ARK2C: variants seen among roughly 807,000 people sequenced by gnomAD.
ARK2C encodes the protein arkadia (RNF111) C-terminal like ring finger ubiquitin ligase 2C, also known as E3 ubiquitin-protein ligase ARK2C.
At chr18:46,397,586 G>GA in the ARK2C span, among the ~76,000 whole-genome samples, 1 of 70,642 alleles carries the variant, frequency 1.4e-5, no homozygotes, top group African/African-American at 7.6e-5. Flanking sequence ...GGTCATGCTG[G>GA]GGTGTGAGGG....
chr18:46,373,888 C>T, the ARK2C span, among the ~76,000 whole-genome samples: 1 of 152,056 alleles, frequency 6.6e-6, no homozygotes, highest in African/African-American at 2.4e-5. Context: ...AGACCCTGTG[C>T]CCCTGAGCCC....
chr18:46,334,220 C>A, the ARK2C span: 1 of 1,199,092 alleles, frequency 8.3e-7, no homozygotes, highest in Non-Finnish European at 1.0e-6. This position sits in a 1 kb window ranked among gnomAD's most constrained non-coding sequence, Gnocchi z 4.4. Context: ...CCCGGAGCCG[C>A]GCCACAAAGG....
At chr18:46,406,759 G>A in the ARK2C span, among the ~76,000 whole-genome samples, 1 of 152,248 alleles carries the variant, frequency 6.6e-6, no homozygotes, top group Non-Finnish European at 1.5e-5. Context: ...TGGGCTATGG[G>A]CTGCTTCTGC....
At chr18:46,375,892 CA>C in the ARK2C span, among the ~76,000 whole-genome samples, 5 of 152,188 alleles carry the variant, frequency 3.3e-5, no homozygotes, top group African/African-American at 4.8e-5. Flanking sequence ...GGGGAAATAG[CA>C]AAACAGGTTC....
chr18:46,449,152 G>A, the ARK2C span, among the ~76,000 whole-genome samples: 5 of 152,084 alleles, frequency 3.3e-5, no homozygotes, highest in Non-Finnish European at 7.4e-5. Flanking sequence ...TTAAAGATTG[G>A]AAAACTGAGG....
chr18:46,454,590 C>T, the ARK2C span, among the ~76,000 whole-genome samples: 2 of 152,206 alleles, frequency 1.3e-5, no homozygotes, highest in African/African-American at 4.8e-5. Context: ...CAGTATTCCC[C>T]AGACTAAACC....
At chr18:46,396,474 C>T in the ARK2C span, among the ~76,000 whole-genome samples, 1 of 152,212 alleles carries the variant, frequency 6.6e-6, no homozygotes, top group East Asian at 1.9e-4. Flanking sequence ...AACTCCATGA[C>T]AGTATGGGCC....
the ARK2C span, among the ~76,000 whole-genome samples, chr18:46,407,646 C>T: frequency 2.6e-5 from 4 of 152,280 alleles, no homozygotes; most frequent in African/African-American, 7.2e-5. Flanking sequence ...CCAGCCGTGG[C>T]TTGCGTGGGA....
At chr18:46,368,605 C>G in the ARK2C span, among the ~76,000 whole-genome samples, 1 of 152,212 alleles carries the variant, frequency 6.6e-6, no homozygotes, top group Non-Finnish European at 1.5e-5. Context: ...CTTTTCAGGA[C>G]AGCTCTATGG....
chr18:46,391,392 G>A, the ARK2C span, among the ~76,000 whole-genome samples: 1 of 152,102 alleles, frequency 6.6e-6, no homozygotes, highest in Admixed American at 6.5e-5. Flanking sequence ...CAGAGGCGAG[G>A]CCTAGTACGG....
chr18:46,393,082 C>T, the ARK2C span, among the ~76,000 whole-genome samples: 3 of 152,164 alleles, frequency 2.0e-5, no homozygotes, highest in Non-Finnish European at 4.4e-5. Context: ...ATGAGTCCTT[C>T]GCAATGTGAG....
At chr18:46,341,965 C>T in the ARK2C span, among the ~76,000 whole-genome samples, 1 of 152,216 alleles carries the variant, frequency 6.6e-6, no homozygotes, top group Middle Eastern at 3.4e-3. Flanking sequence ...GGAGGGAGCC[C>T]GACCCAGTAG....
chr18:46,443,319 CTTATT>C, the ARK2C span, among the ~76,000 whole-genome samples: 1 of 151,910 alleles, frequency 6.6e-6, no homozygotes, highest in African/African-American at 2.4e-5. Flanking sequence ...TTTATTTTAT[CTTATT>C]TTATTTTGGG....
the ARK2C span, among the ~76,000 whole-genome samples, chr18:46,414,345 G>C: frequency 6.6e-6 from 1 of 152,166 alleles, no homozygotes; most frequent in African/African-American, 2.4e-5. Context: ...TCCAAACCAG[G>C]GCTCTGTGTA....
chr18:46,349,567 G>A, the ARK2C span, among the ~76,000 whole-genome samples: 1 of 152,204 alleles, frequency 6.6e-6, no homozygotes, highest in African/African-American at 2.4e-5. Context: ...CGGTGAGCTG[G>A]CCTCTCATTC....
the ARK2C span, among the ~76,000 whole-genome samples, chr18:46,383,755 C>G: frequency 6.6e-6 from 1 of 151,512 alleles, no homozygotes; most frequent in Non-Finnish European, 1.5e-5. Context: ...GGGGTTTCAC[C>G]GTGTTGGCCA....
chr18:46,439,641 C>T, the ARK2C span, among the ~76,000 whole-genome samples: 7 of 152,114 alleles, frequency 4.6e-5, no homozygotes, highest in African/African-American at 1.4e-4. Flanking sequence ...GAAGTTGGTG[C>T]CCATAGAGGT....
At chr18:46,401,820 G>A in the ARK2C span, among the ~76,000 whole-genome samples, 1 of 152,238 alleles carries the variant, frequency 6.6e-6, no homozygotes, top group Non-Finnish European at 1.5e-5. Context: ...AGGGTAGGAA[G>A]GCACCTCTGG....
the ARK2C span, chr18:46,463,042 C>T: frequency 3.9e-5 from 6 of 152,180 alleles, no homozygotes; most frequent in South Asian, 2.1e-4. Context: ...AATGAAAAGG[C>T]GGAGACATTA....
Sources: gnomAD v4.1 joint callset for allele counts (sites outside exome capture counted in the v4.1 genomes callset) on GRCh38, gnomAD v4.1.1 for gene constraint, Gnocchi (gnomAD v3.1) non-coding constraint, MANE v1.5 for transcripts, NCBI Gene and HGNC (gene_info 2026-07-23, HGNC 2026-07-21) for gene names.